ARHGAP11B: variants seen among roughly 807,000 people sequenced by gnomAD.
ARHGAP11B encodes the protein inactive Rho GTPase-activating protein 11B.
A neutral mutation model predicts 27.6 loss-of-function variants in ARHGAP11B; 14 were observed. That is an observed-to-expected ratio of 0.51 (90% CI 0.34 to 0.79). The LOEUF is 0.79. Among genes scored for constraint, ARHGAP11B ranks in the 30% least tolerant of loss-of-function variants. ARHGAP11B has a pLI of 0.02. For missense variants in ARHGAP11B, 245 were observed against 320.1 expected (o/e 0.77, Z 1.79); for synonymous variants, 82 against 114.1 (o/e 0.72, Z 1.80).
intron 7 of ARHGAP11B, among the ~76,000 whole-genome samples, chr15:30,643,789 GTTAC>G (rs1231865239): frequency 1.3e-5 from 2 of 151,970 alleles, no homozygotes; most frequent in African/African-American, 4.8e-5. Flanking sequence ...AGTAATGCTG[GTTAC>G]TTAATTAGTA....
chr15:30,643,452 T>C (rs1178352633), intron 7 of ARHGAP11B, among the ~76,000 whole-genome samples: 1 of 151,940 alleles, frequency 6.6e-6, no homozygotes, highest in Non-Finnish European at 1.5e-5. Context: ...CTAAGTTTTG[T>C]AGTTTTAGTA....
At chr15:30,640,071 G>T (rs1213606712) in intron 7 of ARHGAP11B, among the ~76,000 whole-genome samples, 2 of 145,412 alleles carry the variant, frequency 1.4e-5, no homozygotes, top group Non-Finnish European at 3.0e-5. Context: ...GGCTTCTGGT[G>T]ATAGCATTGA....
intron 6 of ARHGAP11B, 88 bp from the exon 7 acceptor site, chr15:30,638,658 G>A (rs1388600202): frequency 8.0e-6 from 6 of 753,774 alleles, no homozygotes; most frequent in Non-Finnish European, 1.2e-5. Flanking sequence ...AAAGTTACAT[G>A]TTGAAAGAAG....
chr15:30,637,391 T>G (rs1300198079), intron 6 of ARHGAP11B, among the ~76,000 whole-genome samples: 1 of 152,104 alleles, frequency 6.6e-6, no homozygotes, highest in African/African-American at 2.4e-5. Context: ...CAGACAGTTT[T>G]TGTGTCATAT....
chr15:30,644,322 G>A (rs1227985238), intron 7 of ARHGAP11B, among the ~76,000 whole-genome samples: 2 of 151,916 alleles, frequency 1.3e-5, no homozygotes, highest in East Asian at 1.9e-4. Flanking sequence ...ACCTTGGCAC[G>A]GTACCCAATA....
chr15:30,626,894 G>T, exon 1 of ARHGAP11B: 1 of 1,613,592 alleles, frequency 6.2e-7, no homozygotes, highest in Non-Finnish European at 8.5e-7. Flanking sequence ...AAGGTGAAGG[G>T]TGTCCGTGGG....
At chr15:30,647,108 G>A (rs968719308) in intron 9 of ARHGAP11B, among the ~76,000 whole-genome samples, 7 of 151,990 alleles carry the variant, frequency 4.6e-5, no homozygotes, top group African/African-American at 1.7e-4. Context: ...GGTTTCTGCT[G>A]TGACATTGAA....
chr15:30,648,489 T>C (rs1255905232), exon 11 of ARHGAP11B, among the ~76,000 whole-genome samples: 1 of 152,076 alleles, frequency 6.6e-6, no homozygotes, highest in South Asian at 2.1e-4. Flanking sequence ...CAAAGATCTG[T>C]GTTCTGGGCC....
intron 1 of ARHGAP11B, among the ~76,000 whole-genome samples, chr15:30,629,374 G>A (rs928497194): frequency 2.1e-4 from 31 of 150,188 alleles, no homozygotes; most frequent in Admixed American, 4.6e-4. Flanking sequence ...AACCCCCCCC[G>A]CCCCACGTCT....
rs543306526 is a variant in ARHGAP11B, at chr15:30,630,970, G to C, written c.200+197G>C. On this transcript the variant is annotated intron_variant, in intron 2 of 10. Coordinates refer to ENST00000428041, the Ensembl canonical transcript of ARHGAP11B. Reference sequence around the variant, plus strand: ...ACTTGTAGTCCCAGCTACTCAGGGGGCTGGGGTGGGAGGATTGCTTGAGCC... The same window carrying C: ...ACTTGTAGTCCCAGCTACTCAGGGGCCTGGGGTGGGAGGATTGCTTGAGCC... Among the ~76,000 whole-genome samples, 45 of 151,972 alleles carry C rather than the reference G, an allele frequency of 3.0e-4. 1 individual carries two copies. In the South Asian group the frequency reaches 5.8e-3, roughly 20 times the overall value.
At chr15:30,646,092 T>C (rs1408574661) in intron 8 of ARHGAP11B, 2 of 730,220 alleles carry the variant, frequency 2.7e-6, no homozygotes, top group East Asian at 7.8e-5. Context: ...ATCATACTTC[T>C]GTTATTTTCT....
chr15:30,635,285 G>T, intron 5 of ARHGAP11B, 97 bp downstream of exon 5: 1 of 1,535,268 alleles, frequency 6.5e-7, no homozygotes, highest in Non-Finnish European at 8.9e-7. Context: ...GTTTAAATGA[G>T]GAAAATCTCT....
chr15:30,638,660 T>G, intron 6 of ARHGAP11B, 86 bp from the exon 7 acceptor site: 1 of 793,010 alleles, frequency 1.3e-6, no homozygotes, highest in Non-Finnish European at 1.9e-6. Flanking sequence ...AGTTACATGT[T>G]GAAAGAAGAC....
intron 9 of ARHGAP11B, among the ~76,000 whole-genome samples, chr15:30,646,558 G>A (rs546251446): frequency 4.3e-4 from 66 of 151,972 alleles, no homozygotes; most frequent in African/African-American, 1.4e-3. Context: ...AAAATATATA[G>A]GCTGAGGCAG....
At chr15:30,645,957 A>G (rs1318069572) in intron 8 of ARHGAP11B, among the ~76,000 whole-genome samples, 1 of 152,094 alleles carries the variant, frequency 6.6e-6, no homozygotes, top group Non-Finnish European at 1.5e-5. Flanking sequence ...TAGAAGGACA[A>G]ATAGAAGTAG....
At chr15:30,637,531 G>A (rs2060287665) in intron 6 of ARHGAP11B, among the ~76,000 whole-genome samples, 3 of 152,150 alleles carry the variant, frequency 2.0e-5, no homozygotes, top group Admixed American at 2.0e-4. Context: ...TCAGGAGATC[G>A]AGACCATCCT....
At chr15:30,632,411 G>C (rs1166749793) in intron 2 of ARHGAP11B, among the ~76,000 whole-genome samples, 2 of 150,458 alleles carry the variant, frequency 1.3e-5, no homozygotes, top group Non-Finnish European at 3.0e-5. Context: ...GCGAGACACT[G>C]TCTCAAAAAC....
intron 7 of ARHGAP11B, among the ~76,000 whole-genome samples, chr15:30,644,442 T>A (rs1462466775): frequency 2.0e-5 from 3 of 152,082 alleles, no homozygotes. Flanking sequence ...AGATATCAAT[T>A]GAAATGATTT....
rs1003503289 is a variant in ARHGAP11B, at chr15:30,628,718, A to G, written c.129+1769A>G. Among the ~76,000 whole-genome samples, 8 of 152,108 alleles carry G rather than the reference A, an allele frequency of 5.3e-5. 1 individual carries two copies. Among genetic ancestry groups the G allele is most frequent in the Non-Finnish European group, 8.8e-5 (6 of 68,012 alleles). ...TAAGAATATTCTAATGAAGAAATGT[A>G]GAAGATCATTGTGTTATGAGATCTA... On this transcript the variant is annotated intron_variant, in intron 1 of 10. Coordinates refer to ENST00000428041, the Ensembl canonical transcript of ARHGAP11B.
Sources: gnomAD v4.1 joint callset for allele counts (sites outside exome capture counted in the v4.1 genomes callset) on GRCh38, gnomAD v4.1.1 for gene constraint, MANE v1.5 for transcripts, NCBI Gene and HGNC (gene_info 2026-07-23, HGNC 2026-07-21) for gene names.